CHIC2: variants seen among roughly 807,000 people sequenced by gnomAD.
CHIC2 encodes the protein cysteine rich hydrophobic domain 2.
CHIC2 carries 14 observed loss-of-function variants against 25.9 expected under a neutral mutation model. The ratio of observed to expected loss-of-function variants is 0.54; its 90% CI spans 0.36 to 0.85. The LOEUF is 0.85. CHIC2 is among the 40% of genes least tolerant of loss of function. CHIC2 has a pLI of 0.01. For missense variants in CHIC2, 146 were observed against 202.0 expected, an observed-to-expected ratio of 0.72 and a Z score of 1.68; for synonymous variants, 70 against 72.0, an observed-to-expected ratio of 0.97 and a Z score of 0.14.
chr4:54,023,067 T>G (rs892869951), intron 3 of CHIC2, among the ~76,000 whole-genome samples: 1 of 152,018 alleles, frequency 6.6e-6, no homozygotes, highest in African/African-American at 2.4e-5. Flanking sequence ...ACCCCATAGA[T>G]CCTAATTCCT....
chr4:54,048,922 T>TA, intron 3 of CHIC2, 33 bp downstream of exon 3: 1 of 1,478,782 alleles, frequency 6.8e-7, no homozygotes. Flanking sequence ...TGTCCACTTC[T>TA]AAATTTAAAT....
rs1180497433 is a variant in CHIC2 at position 54,014,116 on chromosome 4, G to A, written c.334C>T (p.Arg112Ter). Reference sequence around the variant, plus strand: ...TCTAATAACTTCTCAATCGATCTTCGTGTCTGGAAGACAAATGAGAAAAAA... The same window carrying A: ...TCTAATAACTTCTCAATCGATCTTCATGTCTGGAAGACAAATGAGAAAAAA... Reference protein sequence around the residue: ...WPVICLSKRTRRSIEKLLEWE... With the variant: ...WPVICLSKRT Residue 112 changes from arginine (R) to a stop codon, truncating the protein, a stop_gained, in exon 4 of 6, where the codon CGA becomes TGA. Transcript: ENST00000263921. LOFTEE classifies it high-confidence loss of function. The A allele has an allele frequency of 3.7e-6, 6 of 1,612,840 alleles. No homozygotes were observed. The highest frequency in any genetic ancestry group is 1.7e-6 in the Non-Finnish European group (2 of 1,179,342).
chr4:54,059,351 C>T (rs1717264252), intron 1 of CHIC2, among the ~76,000 whole-genome samples: 1 of 151,926 alleles, frequency 6.6e-6, no homozygotes, highest in Admixed American at 6.6e-5. Flanking sequence ...TACAGTGAAG[C>T]CCCATCTCTA....
chr4:54,046,597 T>C (rs1716826935), intron 3 of CHIC2, among the ~76,000 whole-genome samples: 1 of 152,226 alleles, frequency 6.6e-6, no homozygotes. Flanking sequence ...GCTAGCCATA[T>C]GTACAAAGCT....
At chr4:54,038,417 C>G (rs1287697169) in intron 3 of CHIC2, among the ~76,000 whole-genome samples, 10 of 152,210 alleles carry the variant, frequency 6.6e-5, no homozygotes, top group Middle Eastern at 6.8e-3. Flanking sequence ...GCTAATAAAA[C>G]ATGAGCATAA....
intron 3 of CHIC2, among the ~76,000 whole-genome samples, chr4:54,046,732 G>C (rs1177867527): frequency 6.6e-6 from 1 of 152,186 alleles, no homozygotes; most frequent in Non-Finnish European, 1.5e-5. Flanking sequence ...TCAGGACATA[G>C]GCATGGGCAA....
At chr4:54,057,609 G>C (rs552351003) in intron 1 of CHIC2, among the ~76,000 whole-genome samples, 4 of 152,214 alleles carry the variant, frequency 2.6e-5, no homozygotes, top group Non-Finnish European at 5.9e-5. Flanking sequence ...TCTATTAGCT[G>C]TAAACTCCAT....
At chr4:54,052,233 G>A (rs1057445682) in intron 1 of CHIC2, among the ~76,000 whole-genome samples, 1 of 152,038 alleles carries the variant, frequency 6.6e-6, no homozygotes, top group Non-Finnish European at 1.5e-5. Context: ...CTTCTTGTTT[G>A]ATAATATAAC....
chr4:54,088,917 G>A, the CHIC2 span, among the ~76,000 whole-genome samples: 6 of 152,274 alleles, frequency 3.9e-5, no homozygotes, highest in South Asian at 1.2e-3. Flanking sequence ...AAGATTCAAA[G>A]GATTTGGGCA....
At chr4:54,046,584 C>T (rs186690944) in intron 3 of CHIC2, among the ~76,000 whole-genome samples, 1,670 of 152,254 alleles carry the variant, frequency 0.011, 32 homozygotes, top group African/African-American at 0.038. Context: ...GCTGGGAAAA[C>T]TGGCTAGCCA....
intron 3 of CHIC2, among the ~76,000 whole-genome samples, chr4:54,033,701 T>C (rs1009185210): frequency 1.3e-5 from 2 of 152,328 alleles, no homozygotes; most frequent in Non-Finnish European, 1.5e-5. Flanking sequence ...CGGTTTAATG[T>C]ACAGATTGAA....
chr4:54,016,239 G>A (rs990940326), intron 3 of CHIC2, among the ~76,000 whole-genome samples: 1 of 151,804 alleles, frequency 6.6e-6, no homozygotes, highest in Non-Finnish European at 1.5e-5. Flanking sequence ...ATTACTTAAA[G>A]AAAAAAATGT....
At chr4:54,044,440 T>C (rs1464612995) in intron 3 of CHIC2, among the ~76,000 whole-genome samples, 1 of 151,578 alleles carries the variant, frequency 6.6e-6, no homozygotes. Flanking sequence ...ACAGAAATTA[T>C]AACAGTCTCT....
chr4:54,030,299 C>T (rs1009631500), intron 3 of CHIC2, among the ~76,000 whole-genome samples: 5 of 152,028 alleles, frequency 3.3e-5, no homozygotes, highest in Non-Finnish European at 5.9e-5. Flanking sequence ...TGGAGGATTG[C>T]TTGAACCCAG....
chr4:54,078,845 T>C, the CHIC2 span, among the ~76,000 whole-genome samples: 3 of 152,166 alleles, frequency 2.0e-5, no homozygotes, highest in African/African-American at 7.2e-5. Flanking sequence ...ATTATCTTTA[T>C]GTTTTCCTAC....
intron 3 of CHIC2, among the ~76,000 whole-genome samples, chr4:54,029,662 T>G (rs1017022178): frequency 2.0e-5 from 3 of 152,234 alleles, no homozygotes; most frequent in Non-Finnish European, 4.4e-5. Context: ...TTTTTCTTTA[T>G]CTGATTCTTC....
chr4:54,091,813 C>T, the CHIC2 span, among the ~76,000 whole-genome samples: 1 of 152,244 alleles, frequency 6.6e-6, no homozygotes, highest in Non-Finnish European at 1.5e-5. Context: ...CACTTATGCT[C>T]GCGCTCATGC....
chr4:54,080,958 A>G, the CHIC2 span, among the ~76,000 whole-genome samples: 743 of 93,522 alleles, frequency 7.9e-3, 1 homozygote, highest in Non-Finnish European at 0.012. Flanking sequence ...ATATATATAT[A>G]TATATATATA....
chr4:54,047,904 A>G (rs1716885784), intron 3 of CHIC2, among the ~76,000 whole-genome samples: 1 of 152,024 alleles, frequency 6.6e-6, no homozygotes. Flanking sequence ...TTATACATAT[A>G]AATACAATTT....
Sources: allele counts gnomAD v4.1 joint callset (sites outside exome capture counted in the v4.1 genomes callset), GRCh38; gene constraint gnomAD v4.1.1; transcripts MANE v1.5; gene names NCBI Gene and HGNC (gene_info 2026-07-23, HGNC 2026-07-21).